The following PRKN variants were observed in gnomAD, a reference collection of about 807,000 sequenced individuals.
PRKN encodes the protein parkin RBR E3 ubiquitin protein ligase.
PRKN carries 56 observed loss-of-function variants against 59.5 expected under a neutral mutation model. That is an observed-to-expected ratio of 0.94 (90% CI 0.76 to 1.18). The LOEUF is 1.18. PRKN is among the 50% of genes most tolerant of loss of function. The pLI is 0.00. For synonymous variants in PRKN, 250 were observed against 222.1 expected (o/e 1.13, Z -1.12); for missense variants, 657 against 596.4 (o/e 1.10, Z -1.06).
intron 3 of PRKN, among the ~76,000 whole-genome samples, chr6:162,234,784 C>T (rs1245795733): frequency 6.6e-6 from 1 of 152,224 alleles, no homozygotes; most frequent in Non-Finnish European, 1.5e-5. Flanking sequence ...TGGTGACAGA[C>T]ACCGTCTGTG....
chr6:162,005,963 C>T (rs1231904321), intron 5 of PRKN, among the ~76,000 whole-genome samples: 1 of 151,346 alleles, frequency 6.6e-6, no homozygotes, highest in Non-Finnish European at 1.5e-5. Context: ...ATATATATAT[C>T]TACTCACATT....
chr6:162,424,328 T>C (rs1448112932), intron 2 of PRKN, among the ~76,000 whole-genome samples: 2 of 152,158 alleles, frequency 1.3e-5, no homozygotes, highest in Non-Finnish European at 2.9e-5. Flanking sequence ...GTTGGATCCA[T>C]GTCACTAAAC....
chr6:161,729,727 T>G (rs970526219), intron 7 of PRKN, among the ~76,000 whole-genome samples: 1 of 152,254 alleles, frequency 6.6e-6, no homozygotes, highest in African/African-American at 2.4e-5. Context: ...ATGAAACTTG[T>G]GAGGACTTCA....
intron 1 of PRKN, among the ~76,000 whole-genome samples, chr6:162,488,869 A>G (rs1047239310): frequency 1.3e-5 from 2 of 152,164 alleles, no homozygotes; most frequent in African/African-American, 4.8e-5. Context: ...TCTAGCAGGA[A>G]AGACAAATAT....
rs1333896404 is a variant in PRKN, at chr6:161,645,421, T to G, written c.872-76005A>C. On this transcript the variant is annotated intron_variant, in intron 7 of 11. Transcript: ENST00000366898. ...GGAATTATTGGTCTCATTTAATCAT[T>G]GGGATAAATGATAACATTACTGAAT... 2.0e-5 allele frequency among the ~76,000 whole-genome samples: 3 copies of G among 152,224 alleles called. No individual in the cohort carries two copies. In the East Asian group the frequency reaches 5.8e-4, roughly 29 times the overall value.
At chr6:162,207,590 T>C (rs1255917932) in intron 3 of PRKN, among the ~76,000 whole-genome samples, 1 of 152,168 alleles carries the variant, frequency 6.6e-6, no homozygotes, top group Non-Finnish European at 1.5e-5. Context: ...TGGCCCCGTG[T>C]CTGCCCATCT....
Position 161,579,746 on chromosome 6 carries a change from G to C in PRKN, c.872-10330C>G, listed in dbSNP as rs901387426. On this transcript the variant is annotated intron_variant, in intron 7 of 11. Transcript: ENST00000366898. The surrounding 1 kb of genome is among the most constrained non-coding windows in gnomAD (Gnocchi z 4.2). ...GAGGGGCTGGGGGTAAAGTGGAATGGGGCAGGGGAACAGAAAAGAGTTTAT... is the reference window on the plus strand; with the variant it reads ...GAGGGGCTGGGGGTAAAGTGGAATGCGGCAGGGGAACAGAAAAGAGTTTAT... Among the ~76,000 whole-genome samples, 2 of 152,154 alleles carry C rather than the reference G, an allele frequency of 1.3e-5. No homozygotes were observed. Among genetic ancestry groups the C allele is most frequent in the African/African-American group, 4.8e-5 (2 of 41,442 alleles).
At chr6:162,249,038 C>G (rs562946051) in intron 3 of PRKN, among the ~76,000 whole-genome samples, 2 of 152,118 alleles carry the variant, frequency 1.3e-5, no homozygotes, top group Admixed American at 6.5e-5. Context: ...CACCACCACA[C>G]CCAGCTAATT....
chr6:161,874,522 TTA>T (rs1194999094), intron 6 of PRKN, among the ~76,000 whole-genome samples: 6 of 112,808 alleles, frequency 5.3e-5, no homozygotes, highest in African/African-American at 1.9e-4. Flanking sequence ...AAAATATATA[TTA>T]TATGTAAAAT....
chr6:161,645,243 C>CAAAAAAAA (rs11343414), intron 7 of PRKN, among the ~76,000 whole-genome samples: 1 of 133,966 alleles, frequency 7.5e-6, no homozygotes, highest in Non-Finnish European at 1.6e-5. Context: ...AATAAATAGC[C>CAAAAAAAA]AAAAAAAAAA....
chr6:161,928,974 AC>A lies in PRKN; in HGVS notation c.734+44327del, dbSNP rs529496878. 9.0e-4 allele frequency among the ~76,000 whole-genome samples: 137 copies of A among 152,238 alleles called. 2 individuals carry two copies. The highest frequency in any genetic ancestry group is 2.5e-4 in the Non-Finnish European group (17 of 68,022). ...CCATTAAGTCCACTCCCATGTATAT[AC>A]CCCAAAAAAGTACAAACGAGGACTC... is the stretch of plus-strand genomic sequence containing the variant. On this transcript the variant is annotated intron_variant, in intron 6 of 11. Transcript: ENST00000366898.
At chr6:161,873,831 T>A (rs532043567) in intron 6 of PRKN, among the ~76,000 whole-genome samples, 272 of 146,884 alleles carry the variant, frequency 1.9e-3, no homozygotes, top group Middle Eastern at 0.011. Context: ...ATTTTATATA[T>A]CTAAACAATA....
chr6:161,651,986 G>A (rs1278822867), intron 7 of PRKN, among the ~76,000 whole-genome samples: 1 of 152,186 alleles, frequency 6.6e-6, no homozygotes, highest in African/African-American at 2.4e-5. Flanking sequence ...CTGAAGTACA[G>A]AATTCATGAC....
intron 1 of PRKN, among the ~76,000 whole-genome samples, chr6:162,590,687 G>C (rs532430830): frequency 6.6e-6 from 1 of 152,070 alleles, no homozygotes; most frequent in Non-Finnish European, 1.5e-5. Flanking sequence ...AATGAAACCC[G>C]TAAGAAACAC....
At chr6:162,044,451 C>A (rs979230191) in intron 5 of PRKN, among the ~76,000 whole-genome samples, 1 of 152,212 alleles carries the variant, frequency 6.6e-6, no homozygotes, top group Non-Finnish European at 1.5e-5. Flanking sequence ...TCTAGCTCAG[C>A]CTCTGCATTT....
intron 2 of PRKN, among the ~76,000 whole-genome samples, chr6:162,427,493 C>G (rs568288644): frequency 1.3e-5 from 2 of 152,298 alleles, no homozygotes; most frequent in East Asian, 3.9e-4. Flanking sequence ...AGGTGACCTA[C>G]TGCTATATCC....
chr6:161,663,599 G>A lies in PRKN; in HGVS notation c.872-94183C>T, dbSNP rs1997932. 2.2e-3 allele frequency among the ~76,000 whole-genome samples: 340 copies of A among 152,320 alleles called. 2 individuals carry two copies. Among genetic ancestry groups the A allele is most frequent in the African/African-American group, 7.9e-3 (329 of 41,570 alleles). ...TTCATGCCAGGATTTGCCACCAAGA[G>A]TGCATGTCAGGCAAGTTTTGTCTCC... On this transcript the variant is annotated intron_variant, in intron 7 of 11. Transcript: ENST00000366898.
At chr6:162,408,759 A>T (rs1254752184) in intron 2 of PRKN, among the ~76,000 whole-genome samples, 2 of 152,156 alleles carry the variant, frequency 1.3e-5, no homozygotes, top group African/African-American at 4.8e-5. Flanking sequence ...AACAATCTGG[A>T]AGCTCCTGAA....
At chr6:162,281,425 A>T (rs932447241) in intron 2 of PRKN, among the ~76,000 whole-genome samples, 10 of 152,080 alleles carry the variant, frequency 6.6e-5, no homozygotes, top group African/African-American at 2.2e-4. Flanking sequence ...TTAAAAAAAA[A>T]ATAAGAAAAT....
Sources: allele counts gnomAD v4.1 joint callset (sites outside exome capture counted in the v4.1 genomes callset), GRCh38; gene constraint gnomAD v4.1.1; non-coding constraint Gnocchi (gnomAD v3.1); transcripts MANE v1.5; gene names NCBI Gene and HGNC (gene_info 2026-07-23, HGNC 2026-07-21).